The following RRP1B variants were observed in gnomAD, a reference collection of about 807,000 sequenced individuals.
The protein encoded by RRP1B is ribosomal RNA processing 1B.
A neutral mutation model predicts 80.2 loss-of-function variants in RRP1B; 56 were observed. The observed-to-expected ratio is 0.70, with a 90% confidence interval of 0.56 to 0.87. The LOEUF (loss-of-function observed/expected upper bound fraction) is 0.87, where lower values mean the gene tolerates loss of function less well. Ranked by LOEUF, RRP1B falls within the 40% of genes least tolerant of loss-of-function variation. The pLI is 0.00. For synonymous variants in RRP1B, 351 were observed against 357.6 expected (o/e 0.98, Z 0.21); for missense variants, 807 against 939.8 (o/e 0.86, Z 1.85).
intron 9 of RRP1B, among the ~76,000 whole-genome samples, chr21:43,684,338 T>C (rs2083055285): frequency 6.6e-6 from 1 of 152,148 alleles, no homozygotes; most frequent in East Asian, 1.9e-4. Flanking sequence ...CCCAAAGTGC[T>C]GGGATTACAG....
chr21:43,665,536 A>G (rs191890223), intron 1 of RRP1B, among the ~76,000 whole-genome samples: 1 of 152,198 alleles, frequency 6.6e-6, no homozygotes, highest in East Asian at 1.9e-4. Context: ...TGCTAGTTTT[A>G]TTTTATTTTA....
Position 43,691,535 on chromosome 21 carries a change from T to C in RRP1B, c.2083+33T>C. The C allele has an allele frequency of 3.7e-6, 6 of 1,607,008 alleles. No homozygotes were observed. The highest frequency in any genetic ancestry group is 1.1e-5 in the South Asian group (1 of 90,798). The stretch of plus-strand genomic sequence containing the variant: ...GGGTTTTGCCAGCGGCAAGCTTCTC[T>C]GGAGCACAGCTGCAGCTCCTGGCGC... On this transcript the variant is annotated intron_variant, in intron 15 of 15. Transcript: ENST00000340648. This position sits in a 1 kb window ranked among gnomAD's most constrained non-coding sequence, Gnocchi z 4.2.
In RRP1B at chr21:43,693,564, G is replaced by A; in HGVS notation, c.*181G>A. 3.7e-6 allele frequency: 2 copies of A among 547,132 alleles called. No individual in the cohort carries two copies. The highest frequency in any genetic ancestry group is 6.1e-6 in the Non-Finnish European group (2 of 327,124). 33.9% of individuals were successfully genotyped at this position (547,132 alleles called of 1,614,324 possible). ...CCTCTGTAGTGGCTGCGGGCGTCTT[G>A]GTTGAATCTTTTGCTACAAACCATG... is the stretch of plus-strand genomic sequence containing the variant. On this transcript the variant is annotated 3_prime_UTR_variant, in exon 16 of 16. Coordinates refer to ENST00000340648, the MANE Select transcript of RRP1B (RefSeq NM_015056.3). The surrounding 1 kb of genome is among the most constrained non-coding windows in gnomAD (Gnocchi z 4.1).
chr21:43,678,446 A>G (rs1269025004), intron 8 of RRP1B, among the ~76,000 whole-genome samples: 2 of 152,176 alleles, frequency 1.3e-5, no homozygotes, highest in Non-Finnish European at 2.9e-5. Flanking sequence ...GGCATGAGCC[A>G]CCGCGCCCGG....
chr21:43,684,691 TA>T, intron 10 of RRP1B, 41 bp downstream of exon 10: 1 of 1,506,896 alleles, frequency 6.6e-7, no homozygotes, highest in African/African-American at 1.4e-5. Context: ...ATCATTCCTT[TA>T]GTTCTCATCT....
At chr21:43,685,891 T>A (rs1412965761) in intron 11 of RRP1B, 102 bp downstream of exon 11, 1 of 1,411,936 alleles carries the variant, frequency 7.1e-7, no homozygotes, top group Non-Finnish European at 9.7e-7. Context: ...GAAAGAACTT[T>A]ACTGAAAACC....
At position 43,676,607 on chromosome 21, in the gene RRP1B, T is replaced by C. The variant is rs1357782979; in HGVS notation, c.615-126T>C. 7 of 883,638 alleles carry C rather than the reference T, an allele frequency of 7.9e-6. No individual in the cohort carries two copies. The African/African-American group carries it at 1.2e-4, about 15-fold the overall frequency. The allele number at this position is 883,638 out of a possible 1,614,324, so 54.7% of individuals were successfully genotyped here. On this transcript the variant is annotated intron_variant, in intron 7 of 15. Transcript: ENST00000340648. The stretch of plus-strand genomic sequence containing the variant: ...CACTTAGGCAGTTCCTCTCAGATGC[T>C]TGCTGGCCCGTGGGGGCCACTCCAG...
intron 3 of RRP1B, among the ~76,000 whole-genome samples, chr21:43,673,205 A>G (rs1453992089): frequency 6.6e-6 from 1 of 152,252 alleles, no homozygotes; most frequent in Non-Finnish European, 1.5e-5. Context: ...AAGAGTTACT[A>G]GAAGTGGAAC....
In RRP1B at chr21:43,688,041, AG is replaced by A. The variant is rs34580302; in HGVS notation, c.1672del (p.Ala558ArgfsTer36). 1.2e-6 allele frequency: 2 copies of A among 1,611,974 alleles called. No homozygotes were observed. The highest frequency in any genetic ancestry group is 1.7e-6 in the Non-Finnish European group (2 of 1,179,398). On this transcript the variant is annotated frameshift_variant, in exon 13 of 16. Coordinates refer to ENST00000340648, the MANE Select transcript of RRP1B (RefSeq NM_015056.3). LOFTEE classifies it high-confidence loss of function. ...QQEGPPTGPAEGANSHTTLPQ... is the reference protein window; with the variant it reads ...QQEGPPTGPAXGANSHTTLPQ... Reference sequence around the variant, plus strand: ...GAAGGCCCTCCCACAGGCCCCGCAGAGGGGGCGAACAGCCACACCACGCTGC... The same window carrying A: ...GAAGGCCCTCCCACAGGCCCCGCAGAGGGGCGAACAGCCACACCACGCTGC...
In RRP1B at chr21:43,675,153, G is replaced by A; in HGVS notation, c.539G>A (p.Gly180Glu). The part of the protein sequence containing the change: ...DIYLDELSKV[G>E]GKELLADQNL... ...TACCTGGATGAACTCTCCAAAGTCG[G>A]GGGGAAGGAGGTAAGCAGCTGCCGA... The change falls in exon 6 of 16, where the codon GGG becomes GAG. Residue 180 changes from glycine to glutamate, a missense_variant. Gly to Glu is a moderately conservative substitution (Grantham distance 98). Transcript: ENST00000340648. 1 of 1,613,952 alleles carries A rather than the reference G, an allele frequency of 6.2e-7. No individual in the cohort carries two copies. Among genetic ancestry groups the A allele is most frequent in the Non-Finnish European group, 8.5e-7 (1 of 1,179,996 alleles).
rs929841334 is a variant in RRP1B at position 43,693,374 on chromosome 21, T to C, written c.2268T>C (p.Asp756=). Residue 756 remains aspartate (D), a synonymous_variant, in exon 16 of 16, where the codon GAT becomes GAC. Transcript: ENST00000340648. The surrounding 1 kb of genome is among the most constrained non-coding windows in gnomAD (Gnocchi z 4.1). The stretch of plus-strand genomic sequence containing the variant: ...CAAGGAGAAGGCCCAGGGCTATGGA[T>C]TTCTTCTGAGGAGCAGCAGAGTCCC... ...TTPRRRPRAM[D]FF 2.5e-6 allele frequency: 4 copies of C among 1,577,220 alleles called. No homozygotes were observed. The African/African-American group carries it at 4.1e-5, about 16-fold the overall frequency.
intron 8 of RRP1B, among the ~76,000 whole-genome samples, chr21:43,678,530 G>T (rs2083030948): frequency 6.6e-6 from 1 of 152,064 alleles, no homozygotes. Context: ...ATCTGATTAT[G>T]GTTTTCATTT....
Position 43,659,849 on chromosome 21 carries a change from G to T in RRP1B, c.130+55G>T. ...ACATGGCGGGCCGGGGGCCGGGGCT[G>T]GGGCTAGGGCCAGGGCCCCGGCACG... On this transcript the variant is annotated intron_variant, in intron 1 of 15. Coordinates refer to ENST00000340648, the MANE Select transcript of RRP1B (RefSeq NM_015056.3). This position sits in a 1 kb window ranked among gnomAD's most constrained non-coding sequence, Gnocchi z 4.2. 2 of 1,456,832 alleles carry T rather than the reference G, an allele frequency of 1.4e-6. No homozygotes were observed. Among genetic ancestry groups the T allele is most frequent in the Non-Finnish European group, 1.8e-6 (2 of 1,097,692 alleles). 90.2% of individuals were successfully genotyped at this position (1,456,832 alleles called of 1,614,324 possible). A position where few individuals can be genotyped will look rare whatever the true frequency, so the allele number is the denominator to read the frequency against.
Position 43,691,306 on chromosome 21 carries a change from C to T in RRP1B, c.2020-133C>T. On this transcript the variant is annotated intron_variant, in intron 14 of 15. Transcript: ENST00000340648. The surrounding 1 kb of genome is among the most constrained non-coding windows in gnomAD (Gnocchi z 4.2). Reference sequence around the variant, plus strand: ...CTTGGCCGCAGTCCCTTTGGCCTCTCCCTATATGTGCCACTCAGTAAGCAG... The same window carrying T: ...CTTGGCCGCAGTCCCTTTGGCCTCTTCCTATATGTGCCACTCAGTAAGCAG... 1 of 764,032 alleles carries T rather than the reference C, an allele frequency of 1.3e-6. No individual in the cohort carries two copies. The highest frequency in any genetic ancestry group is 2.2e-6 in the Non-Finnish European group (1 of 463,510). 47.3% of individuals were successfully genotyped at this position (764,032 alleles called of 1,614,324 possible). A position where few individuals can be genotyped will look rare whatever the true frequency, so the allele number is the denominator to read the frequency against.
At chr21:43,680,131 G>T (rs749349234) in intron 8 of RRP1B, among the ~76,000 whole-genome samples, 1 of 152,050 alleles carries the variant, frequency 6.6e-6, no homozygotes, top group African/African-American at 2.4e-5. Flanking sequence ...TTGTATCATC[G>T]GCAAACACGG....
chr21:43,691,451 C>T lies in RRP1B; in HGVS notation c.2032C>T (p.Pro678Ser). Residue 678 changes from proline (P) to serine (S), a missense_variant, in exon 15 of 16, where the codon CCA becomes TCA. Pro to Ser is a moderately conservative substitution (Grantham distance 74, BLOSUM62 -1). Coordinates refer to ENST00000340648, the MANE Select transcript of RRP1B (RefSeq NM_015056.3). This position sits in a 1 kb window ranked among gnomAD's most constrained non-coding sequence, Gnocchi z 4.2. ...PGPAVQLNKT[P>S]SSSKKVTFGL... ...TTCTCTTCTGCAGCTAAACAAGACACCATCCAGCTCCAAGAAAGTCACCTT... is the reference window on the plus strand; with the variant it reads ...TTCTCTTCTGCAGCTAAACAAGACATCATCCAGCTCCAAGAAAGTCACCTT... The T allele has an allele frequency of 6.2e-7, 1 of 1,614,034 alleles. No individual in the cohort carries two copies. The highest frequency in any genetic ancestry group is 8.5e-7 in the Non-Finnish European group (1 of 1,179,930).
intron 2 of RRP1B, among the ~76,000 whole-genome samples, chr21:43,670,439 G>T (rs574567538): frequency 1.2e-4 from 19 of 152,376 alleles, no homozygotes; most frequent in Non-Finnish European, 1.0e-4. Flanking sequence ...TCACCCAAAC[G>T]CGCAGCAGGC....
intron 1 of RRP1B, among the ~76,000 whole-genome samples, chr21:43,661,282 G>T (rs2082955632): frequency 6.6e-6 from 1 of 152,126 alleles, no homozygotes; most frequent in Admixed American, 6.5e-5. Flanking sequence ...GCTCGGATGT[G>T]CCTTGCTAGC....
Position 43,693,386 on chromosome 21 carries a change from A to G in RRP1B, c.*3A>G. The G allele has an allele frequency of 6.4e-7, 1 of 1,557,606 alleles. No individual in the cohort carries two copies. Among genetic ancestry groups the G allele is most frequent in the Non-Finnish European group, 8.7e-7 (1 of 1,153,044 alleles). The stretch of plus-strand genomic sequence containing the variant: ...CCAGGGCTATGGATTTCTTCTGAGG[A>G]GCAGCAGAGTCCCTTGTAAAAGACT... On this transcript the variant is annotated 3_prime_UTR_variant, in exon 16 of 16. Transcript: ENST00000340648. The surrounding 1 kb of genome is among the most constrained non-coding windows in gnomAD (Gnocchi z 4.1).
Sources: allele counts gnomAD v4.1 joint callset (sites outside exome capture counted in the v4.1 genomes callset), GRCh38; gene constraint gnomAD v4.1.1; non-coding constraint Gnocchi (gnomAD v3.1); transcripts MANE v1.5; gene names NCBI Gene and HGNC (gene_info 2026-07-23, HGNC 2026-07-21).